SLC39A3: variants seen among roughly 807,000 people sequenced by gnomAD.
The protein encoded by SLC39A3 is zinc transporter ZIP3.
Under a neutral mutation model 5.1 loss-of-function variants are expected in SLC39A3, and 3 were observed. The observed-to-expected ratio is 0.59, with a 90% CI of 0.27 to 1.54. The LOEUF is 1.54. Among genes scored for constraint, SLC39A3 ranks in the 40% most tolerant of loss-of-function variants. The probability of loss-of-function intolerance (pLI) is 0.12; values close to 1 mark genes in which losing one functional copy is unlikely to be tolerated. For missense variants in SLC39A3, 412 were observed against 436.4 expected, an observed-to-expected ratio of 0.94 and a Z score of 0.50; for synonymous variants, 250 against 218.8, an observed-to-expected ratio of 1.14 and a Z score of -1.26.
In SLC39A3 at chr19:2,732,879, A is replaced by T; in HGVS notation, c.817T>A (p.Phe273Ile). ...VLLQGLAGGT[F>I]LFITFLEILA... ...ATCTCCAGGAAGGTGATGAAGAGGA[A>T]GGTGCCGCCCGCCAGGCCCTGCAGC... Residue 273 changes from phenylalanine to isoleucine, a missense_variant, in exon 3 of 3, where the codon TTC becomes ATC. Physicochemically the swap from Phe to Ile is conservative, Grantham distance 21. Transcript: ENST00000269740. 1 of 1,611,948 alleles carries T rather than the reference A, an allele frequency of 6.2e-7. No individual in the cohort carries two copies. Among genetic ancestry groups the T allele is most frequent in the Middle Eastern group, 1.7e-4 (1 of 6,056 alleles).
At position 2,734,951 on chromosome 19, in the gene SLC39A3, C is replaced by T; in HGVS notation, c.211-1466G>A. ...ACCAGGCACCATTTTCCAGGGGTGA[C>T]TGAGAGCCTGGCCCTGCAGTGGGTG... On this transcript the variant is annotated intron_variant, in intron 2 of 2. Coordinates refer to ENST00000269740, the MANE Select transcript of SLC39A3 (RefSeq NM_144564.5). The surrounding 1 kb of genome is among the most constrained non-coding windows in gnomAD (Gnocchi z 4.6). 1.0e-6 allele frequency: 1 copy of T among 985,500 alleles called. No homozygotes were observed. Among genetic ancestry groups the T allele is most frequent in the South Asian group, 4.7e-5 (1 of 21,284 alleles). 61.0% of individuals were successfully genotyped at this position (985,500 alleles called of 1,614,324 possible). A position where few individuals can be genotyped will look rare whatever the true frequency, so the allele number is the denominator to read the frequency against.
Position 2,733,328 on chromosome 19 carries a change from G to A in SLC39A3, c.368C>T (p.Ala123Val), listed in dbSNP as rs1160399555. 5 of 1,613,116 alleles carry A rather than the reference G, an allele frequency of 3.1e-6. No individual in the cohort carries two copies. Among genetic ancestry groups the A allele is most frequent in the Non-Finnish European group, 4.2e-6 (5 of 1,180,028 alleles). Reference protein sequence around the residue: ...PSFIDLETFNAGSDVGSDSEY... With the variant: ...PSFIDLETFNVGSDVGSDSEY... ...CGAGTCGCTGCCCACGTCCGATCCGGCGTTGAAGGTCTCCAGGTCGATGAA... is the reference window on the plus strand; with the variant it reads ...CGAGTCGCTGCCCACGTCCGATCCGACGTTGAAGGTCTCCAGGTCGATGAA... The change falls in exon 3 of 3, where the codon GCC becomes GTC. Residue 123 changes from alanine to valine, a missense_variant. Coordinates refer to ENST00000269740, the MANE Select transcript of SLC39A3 (RefSeq NM_144564.5). The surrounding 1 kb of genome is among the most constrained non-coding windows in gnomAD (Gnocchi z 6.1).
chr19:2,734,915 G>A lies in SLC39A3; in HGVS notation c.211-1430C>T, dbSNP rs1016408721. The stretch of plus-strand genomic sequence containing the variant: ...ATCAGGAGAGATGAGGCAGATGCAC[G>A]GGAGCTGTGAACCAGGCACCATTTT... On this transcript the variant is annotated intron_variant, in intron 2 of 2. Coordinates refer to ENST00000269740, the MANE Select transcript of SLC39A3 (RefSeq NM_144564.5). This position sits in a 1 kb window ranked among gnomAD's most constrained non-coding sequence, Gnocchi z 4.6. 2.6e-5 allele frequency: 26 copies of A among 985,388 alleles called. No homozygotes were observed. Among genetic ancestry groups the A allele is most frequent in the Middle Eastern group, 5.2e-4 (1 of 1,938 alleles). 61.0% of individuals were successfully genotyped at this position (985,388 alleles called of 1,614,324 possible). A position where few individuals can be genotyped will look rare whatever the true frequency, so the allele number is the denominator to read the frequency against.
Position 2,733,151 on chromosome 19 carries a change from A to C in SLC39A3, c.545T>G (p.Val182Gly), listed in dbSNP as rs756752173. 3 of 1,610,746 alleles carry C rather than the reference A, an allele frequency of 1.9e-6. No individual in the cohort carries two copies. Among genetic ancestry groups the C allele is most frequent in the African/African-American group, 2.7e-5 (2 of 74,768 alleles). The change falls in exon 3 of 3, where the codon GTC becomes GGC. Residue 182 changes from valine (V) to glycine (G), a missense_variant. By Grantham distance (109) the Val-to-Gly change is moderately radical. Coordinates refer to ENST00000269740, the MANE Select transcript of SLC39A3 (RefSeq NM_144564.5). This position sits in a 1 kb window ranked among gnomAD's most constrained non-coding sequence, Gnocchi z 6.1. The stretch of plus-strand genomic sequence containing the variant: ...CAGGCCCAGGGCCAGGCCCTCAAAG[A>C]CCGAGTGGGCCGACAGCGCGAAGGC... The part of the protein sequence containing the change: ...SLAFALSAHS[V>G]FEGLALGLQE...
In SLC39A3 at chr19:2,734,912, C is replaced by T; in HGVS notation, c.211-1427G>A. On this transcript the variant is annotated intron_variant, in intron 2 of 2. Transcript: ENST00000269740. This position sits in a 1 kb window ranked among gnomAD's most constrained non-coding sequence, Gnocchi z 4.6. ...TTGATCAGGAGAGATGAGGCAGATG[C>T]ACGGGAGCTGTGAACCAGGCACCAT... 1.0e-6 allele frequency: 1 copy of T among 985,516 alleles called. No individual in the cohort carries two copies. The highest frequency in any genetic ancestry group is 1.2e-6 in the Non-Finnish European group (1 of 829,984). The allele number at this position is 985,516 out of a possible 1,614,324, so 61.0% of individuals were successfully genotyped here.
At position 2,732,562 on chromosome 19, in the gene SLC39A3, A is replaced by T. The variant is rs1914226411; in HGVS notation, c.*189T>A. The T allele has an allele frequency of 7.0e-7, 1 of 1,427,806 alleles. No homozygotes were observed. The highest frequency in any genetic ancestry group is 1.4e-5 in the African/African-American group (1 of 69,580). The allele number at this position is 1,427,806 out of a possible 1,614,324, so 88.4% of individuals were successfully genotyped here. A position where few individuals can be genotyped will look rare whatever the true frequency, so the allele number is the denominator to read the frequency against. On this transcript the variant is annotated 3_prime_UTR_variant, in exon 3 of 3. Coordinates refer to ENST00000269740, the MANE Select transcript of SLC39A3 (RefSeq NM_144564.5). ...TTTAAGAGAAAGAAGTATTTTAAAA[A>T]GTAGCAGTGCTCTGAGGCTCAGGGT... is the stretch of plus-strand genomic sequence containing the variant.
rs1272619129 is a variant in SLC39A3, at chr19:2,733,469, C to T, written c.227G>A (p.Ser76Asn). The T allele has an allele frequency of 6.2e-7, 1 of 1,610,314 alleles. No individual in the cohort carries two copies. The highest frequency in any genetic ancestry group is 8.5e-7 in the Non-Finnish European group (1 of 1,178,108). ...AVREKLQKVL[S>N]LGHISTDYPL... ...GTAGTCGGTGCTGATGTGGCCGAGG[C>T]TCAGGACCTTCTGGAGCTGCAGCCG... is the stretch of plus-strand genomic sequence containing the variant. The change falls in exon 3 of 3, where the codon AGC becomes AAC. Residue 76 changes from serine to asparagine, a missense_variant. Transcript: ENST00000269740. This position sits in a 1 kb window ranked among gnomAD's most constrained non-coding sequence, Gnocchi z 6.1.
At chr19:2,738,287 C>G (rs1447440700) in intron 1 of SLC39A3, among the ~76,000 whole-genome samples, 1 of 151,824 alleles carries the variant, frequency 6.6e-6, no homozygotes, top group East Asian at 1.9e-4. Context: ...AGTAGTCACA[C>G]AAGCCTACTT....
rs983887554 is a variant in SLC39A3, at chr19:2,733,667, C to T, written c.211-182G>A. 1.3e-5 allele frequency among the ~76,000 whole-genome samples: 2 copies of T among 152,202 alleles called. No homozygotes were observed. Among genetic ancestry groups the T allele is most frequent in the African/African-American group, 2.4e-5 (1 of 41,452 alleles). On this transcript the variant is annotated intron_variant, in intron 2 of 2. Transcript: ENST00000269740. The surrounding 1 kb of genome is among the most constrained non-coding windows in gnomAD (Gnocchi z 6.1). The stretch of plus-strand genomic sequence containing the variant: ...ATTAACACCACCACCACCAGCCAAG[C>T]GCGGTGGCTCATGCCTGTGACCCCA...
rs867786499 is a variant in SLC39A3, at chr19:2,734,740, G to A, written c.211-1255C>T. On this transcript the variant is annotated intron_variant, in intron 2 of 2. Transcript: ENST00000269740. This position sits in a 1 kb window ranked among gnomAD's most constrained non-coding sequence, Gnocchi z 4.6. The stretch of plus-strand genomic sequence containing the variant: ...CCAGTGTTCCCTGGGGGCAGTTCAC[G>A]CTGGGTGAGCCTCTGCTGCAGCAGA... 27 of 985,350 alleles carry A rather than the reference G, an allele frequency of 2.7e-5. No homozygotes were observed. In the South Asian group the frequency reaches 4.2e-4, roughly 15 times the overall value. 61.0% of individuals were successfully genotyped at this position (985,350 alleles called of 1,614,324 possible).
At position 2,734,371 on chromosome 19, in the gene SLC39A3, A is replaced by T. The variant is rs1914289149; in HGVS notation, c.211-886T>A. Among the ~76,000 whole-genome samples the T allele has an allele frequency of 6.6e-6, 1 of 152,078 alleles. No individual in the cohort carries two copies. Among genetic ancestry groups the T allele is most frequent in the African/African-American group, 2.4e-5 (1 of 41,398 alleles). On this transcript the variant is annotated intron_variant, in intron 2 of 2. Transcript: ENST00000269740. This position sits in a 1 kb window ranked among gnomAD's most constrained non-coding sequence, Gnocchi z 4.6. ...CTTCCCTGCTTCCTTCCCAGCGGAGACTTCATTACAACCTGCGCACGTGCA... is the reference window on the plus strand; with the variant it reads ...CTTCCCTGCTTCCTTCCCAGCGGAGTCTTCATTACAACCTGCGCACGTGCA...
rs200442678 is a variant in SLC39A3 at position 2,732,783 on chromosome 19, C to A, written c.913G>T (p.Val305Phe). Residue 305 changes from valine to phenylalanine, a missense_variant, in exon 3 of 3, where the codon GTC (valine) becomes TTC (phenylalanine). By Grantham distance (50) the Val-to-Phe change is conservative (BLOSUM62 -1). Coordinates refer to ENST00000269740, the MANE Select transcript of SLC39A3 (RefSeq NM_144564.5). ...TTGAGGAAGACCATCCCGGCCAGGA[C>A]GGTGTAGCCCAGCACCAGGAAGAGG... ...KVLFLVLGYT[V>F]LAGMVFLKW is the part of the protein sequence containing the mutation. The A allele has an allele frequency of 6.3e-7, 1 of 1,598,662 alleles. No individual in the cohort carries two copies. The highest frequency in any genetic ancestry group is 1.1e-5 in the South Asian group (1 of 89,678).
chr19:2,738,700 G>A (rs1429696211), intron 1 of SLC39A3, among the ~76,000 whole-genome samples: 1 of 151,846 alleles, frequency 6.6e-6, no homozygotes, highest in Non-Finnish European at 1.5e-5. Context: ...ACCTGAGGTC[G>A]AGAGTTCGAG....
Position 2,733,043 on chromosome 19 carries a change from C to G in SLC39A3, c.653G>C (p.Ser218Thr). The stretch of plus-strand genomic sequence containing the variant: ...CAGGGGCATGGCACTCCGGGCCATG[C>G]TGATGCCCAGGGCCACGGCCACCAG... ...ETLVAVALGI[S>T]MARSAMPLRD... The change falls in exon 3 of 3, where the codon AGC (serine) becomes ACC (threonine). Residue 218 changes from serine (S) to threonine (T), a missense_variant. By Grantham distance (58) the Ser-to-Thr change is moderately conservative. Transcript: ENST00000269740. The surrounding 1 kb of genome is among the most constrained non-coding windows in gnomAD (Gnocchi z 6.1). 6.2e-7 allele frequency: 1 copy of G among 1,609,356 alleles called. No homozygotes were observed. The highest frequency in any genetic ancestry group is 1.1e-5 in the South Asian group (1 of 90,760).
In SLC39A3 at chr19:2,732,673, G is replaced by A. The variant is rs1046387292; in HGVS notation, c.*78C>T. ...GCCACAGTGCTCGCTCTTGGGGGAC[G>A]CGCGGCCGGGGGACGCGGCCTGTGT... On this transcript the variant is annotated 3_prime_UTR_variant, in exon 3 of 3. Coordinates refer to ENST00000269740, the MANE Select transcript of SLC39A3 (RefSeq NM_144564.5). 126 of 1,435,586 alleles carry A rather than the reference G, an allele frequency of 8.8e-5. No homozygotes were observed. The highest frequency in any genetic ancestry group is 2.5e-4 in the Middle Eastern group (1 of 3,978). The allele number at this position is 1,435,586 out of a possible 1,614,324, so 88.9% of individuals were successfully genotyped here. A position where few individuals can be genotyped will look rare whatever the true frequency, so the allele number is the denominator to read the frequency against.
intron 1 of SLC39A3, among the ~76,000 whole-genome samples, chr19:2,738,911 T>C (rs1359031504): frequency 6.7e-6 from 1 of 149,922 alleles, no homozygotes; most frequent in Non-Finnish European, 1.5e-5. Context: ...CACTCCAGCC[T>C]GGGTGACAGA....
At position 2,733,280 on chromosome 19, in the gene SLC39A3, C is replaced by G. The variant is rs752683124; in HGVS notation, c.416G>C (p.Gly139Ala). The G allele has an allele frequency of 3.7e-6, 6 of 1,612,852 alleles. No individual in the cohort carries two copies. In the South Asian group the frequency reaches 6.6e-5, roughly 18 times the overall value. The change falls in exon 3 of 3, where the codon GGG (glycine) becomes GCG (alanine). Residue 139 changes from glycine (G) to alanine (A), a missense_variant. Coordinates refer to ENST00000269740, the MANE Select transcript of SLC39A3 (RefSeq NM_144564.5). The surrounding 1 kb of genome is among the most constrained non-coding windows in gnomAD (Gnocchi z 6.1). ...SDSEYESPFMGGARGHALYVE... is the reference protein window; with the variant it reads ...SDSEYESPFMAGARGHALYVE... ...GTACAGCGCGTGGCCCCGCGCGCCC[C>G]CCATGAAGGGGCTCTCATACTCCGA...
Position 2,733,330 on chromosome 19 carries a change from G to A in SLC39A3, c.366C>T (p.Asn122=), listed in dbSNP as rs375353023. ...KPSFIDLETF[N]AGSDVGSDSE... is the part of the protein sequence containing the mutation. The stretch of plus-strand genomic sequence containing the variant: ...AGTCGCTGCCCACGTCCGATCCGGC[G>A]TTGAAGGTCTCCAGGTCGATGAAGG... The change falls in exon 3 of 3, where the codon AAC becomes AAT. Residue 122 remains asparagine, a synonymous_variant. Coordinates refer to ENST00000269740, the MANE Select transcript of SLC39A3 (RefSeq NM_144564.5). This position sits in a 1 kb window ranked among gnomAD's most constrained non-coding sequence, Gnocchi z 6.1. The A allele has an allele frequency of 3.7e-5, 59 of 1,613,018 alleles. No homozygotes were observed. Among genetic ancestry groups the A allele is most frequent in the African/African-American group, 1.2e-4 (9 of 74,954 alleles).
At chr19:2,736,021 C>G in intron 2 of SLC39A3, 1 of 985,480 alleles carries the variant, frequency 1.0e-6, no homozygotes, top group Non-Finnish European at 1.2e-6. Context: ...AATGTCACAT[C>G]TGGCACTGGC....
Sources: allele counts gnomAD v4.1 joint callset (sites outside exome capture counted in the v4.1 genomes callset), GRCh38; gene constraint gnomAD v4.1.1; non-coding constraint Gnocchi (gnomAD v3.1); transcripts MANE v1.5; gene names NCBI Gene and HGNC (gene_info 2026-07-23, HGNC 2026-07-21).